Variants in ZNF138 observed in about 807,000 individuals in gnomAD.
The protein encoded by ZNF138 is zinc finger protein 138 (clone pHZ-32).
ZNF138 carries 33 observed loss-of-function variants against 33.0 expected under a neutral mutation model. The ratio of observed to expected loss-of-function variants is 1.00; its 90% CI spans 0.76 to 1.34. The LOEUF (loss-of-function observed/expected upper bound fraction) is 1.34, where lower values mean the gene tolerates loss of function less well. Among genes scored for constraint, ZNF138 ranks in the 40% most tolerant of loss-of-function variants. The pLI is 0.00. For synonymous variants in ZNF138, 139 were observed against 120.4 expected (o/e 1.15, Z -1.01); for missense variants, 360 against 370.8 (o/e 0.97, Z 0.24).
chr7:64,811,742 A>C (rs1458001301), intron 1 of ZNF138, among the ~76,000 whole-genome samples: 2 of 152,230 alleles, frequency 1.3e-5, no homozygotes, highest in East Asian at 3.8e-4. Context: ...TTGTATTTTG[A>C]CAAGAGTGCT....
intron 1 of ZNF138, among the ~76,000 whole-genome samples, chr7:64,801,701 T>TTCCTAATA (rs79598810): frequency 0.061 from 9,321 of 152,208 alleles, 316 homozygotes; most frequent in East Asian, 0.14. Flanking sequence ...TTGAGTTTAG[T>TTCCTAATA]TCTTTTTTAA....
intron 3 of ZNF138, among the ~76,000 whole-genome samples, chr7:64,824,810 TAAAG>T (rs1349540051): frequency 3.3e-5 from 5 of 152,116 alleles, no homozygotes; most frequent in Admixed American, 2.6e-4. Context: ...TTGCATAGAA[TAAAG>T]ATATTTTCCA....
the ZNF138 span, among the ~76,000 whole-genome samples, chr7:64,860,316 T>TAA: frequency 6.6e-6 from 1 of 152,208 alleles, no homozygotes; most frequent in East Asian, 1.9e-4. Flanking sequence ...AATTTTGAAA[T>TAA]ATACACTGCA....
chr7:64,815,608 C>A lies in ZNF138; in HGVS notation c.163C>A (p.Pro55Thr). The A allele has an allele frequency of 6.2e-7, 1 of 1,612,360 alleles. No individual in the cohort carries two copies. Among genetic ancestry groups the A allele is most frequent in the Non-Finnish European group, 8.5e-7 (1 of 1,179,224 alleles). ...TACCTGTCTGGAACAAGGAAAAGAG[C>A]CCTGGAATATGAAGAGACATGAGAT... Reference protein sequence around the residue: ...LITCLEQGKEPWNMKRHEMVV... With the variant: ...LITCLEQGKETWNMKRHEMVV... Residue 55 changes from proline to threonine, a missense_variant, in exon 3 of 4, where the codon CCC (proline) becomes ACC (threonine). By Grantham distance (38) the Pro-to-Thr change is conservative. Coordinates refer to ENST00000307355, the MANE Select transcript of ZNF138 (RefSeq NM_001271639.2).
At chr7:64,824,815 A>G (rs2129010962) in intron 3 of ZNF138, among the ~76,000 whole-genome samples, 1 of 152,026 alleles carries the variant, frequency 6.6e-6, no homozygotes, top group East Asian at 1.9e-4. Flanking sequence ...TAGAATAAAG[A>G]TATTTTCCAT....
intron 1 of ZNF138, among the ~76,000 whole-genome samples, chr7:64,797,878 T>C (rs6964501): frequency 0.11 from 17,296 of 152,160 alleles, 1,168 homozygotes; most frequent in East Asian, 0.26. Context: ...GCAAAAAAGA[T>C]TAGAAGGTGA....
At chr7:64,819,511 G>T (rs754418516) in intron 3 of ZNF138, among the ~76,000 whole-genome samples, 6 of 151,852 alleles carry the variant, frequency 4.0e-5, no homozygotes, top group Non-Finnish European at 8.8e-5. Context: ...AGGATTACAG[G>T]TGGCCGCCAC....
At position 64,832,578 on chromosome 7, in the gene ZNF138, C is replaced by A; in HGVS notation, c.*376C>A. ...TAAGATAATTCACAGTGGAGAAAAA[C>A]CCTACAAATGTGAAGAATGTGGCAA... On this transcript the variant is annotated 3_prime_UTR_variant, in exon 4 of 4. Transcript: ENST00000307355. 1 of 560,100 alleles carries A rather than the reference C, an allele frequency of 1.8e-6. No homozygotes were observed. Among genetic ancestry groups the A allele is most frequent in the Non-Finnish European group, 3.2e-6 (1 of 314,406 alleles). The allele number at this position is 560,100 out of a possible 1,614,324, so 34.7% of individuals were successfully genotyped here. A position where few individuals can be genotyped will look rare whatever the true frequency, so the allele number is the denominator to read the frequency against.
rs575134250 is a variant in ZNF138 at position 64,832,813 on chromosome 7, T to C, written c.*611T>C. The C allele has an allele frequency of 2.2e-6, 1 of 448,384 alleles. No individual in the cohort carries two copies. Among genetic ancestry groups the C allele is most frequent in the Non-Finnish European group, 4.5e-6 (1 of 223,138 alleles). 27.8% of individuals were successfully genotyped at this position (448,384 alleles called of 1,614,324 possible). On this transcript the variant is annotated 3_prime_UTR_variant, in exon 4 of 4. Transcript: ENST00000307355. Reference sequence around the variant, plus strand: ...TCAAACCTTACTAAACACAAGAAGATTCATACTAGAGAGAAACCCTACAAA... The same window carrying C: ...TCAAACCTTACTAAACACAAGAAGACTCATACTAGAGAGAAACCCTACAAA...
At chr7:64,802,496 G>A (rs933624434) in intron 1 of ZNF138, among the ~76,000 whole-genome samples, 1 of 151,376 alleles carries the variant, frequency 6.6e-6, no homozygotes, top group East Asian at 1.9e-4. Context: ...GGCATGGCAA[G>A]AAAATATATT....
chr7:64,808,883 G>A (rs1562895453), intron 1 of ZNF138, among the ~76,000 whole-genome samples: 1 of 138,448 alleles, frequency 7.2e-6, no homozygotes, highest in Non-Finnish European at 1.6e-5. Flanking sequence ...ACATGTTTCA[G>A]AGAGCACAGG....
At chr7:64,846,047 GCT>G in the ZNF138 span, among the ~76,000 whole-genome samples, 4 of 152,090 alleles carry the variant, frequency 2.6e-5, no homozygotes, top group African/African-American at 4.8e-5. Flanking sequence ...GTTTTTGTTT[GCT>G]TTGTCAAAGA....
At chr7:64,825,050 A>C (rs1340695011) in intron 3 of ZNF138, among the ~76,000 whole-genome samples, 1 of 148,216 alleles carries the variant, frequency 6.7e-6, no homozygotes, top group Non-Finnish European at 1.5e-5. Context: ...GGGTTTTACC[A>C]CTTTGGCCAG....
chr7:64,804,101 C>T (rs1179490628), intron 1 of ZNF138, among the ~76,000 whole-genome samples: 1 of 152,216 alleles, frequency 6.6e-6, no homozygotes, highest in Non-Finnish European at 1.5e-5. Context: ...ACCCCTCATA[C>T]TGTCTCATGC....
chr7:64,825,830 C>T lies in ZNF138; in HGVS notation c.209-5621C>T, dbSNP rs540109325. Among the ~76,000 whole-genome samples, 368 of 151,978 alleles carry T rather than the reference C, an allele frequency of 2.4e-3. 5 individuals carry two copies. The highest frequency in any genetic ancestry group is 8.6e-3 in the African/African-American group (355 of 41,430). On this transcript the variant is annotated intron_variant, in intron 3 of 3. Transcript: ENST00000307355. ...GGGATTACAGGCATGAGCCCCCGCG[C>T]CTGGCCATTATTCATTTAGTTTTAA...
intron 1 of ZNF138, among the ~76,000 whole-genome samples, chr7:64,810,868 G>A (rs1608895): frequency 0.99 from 150,082 of 152,244 alleles, 74,011 homozygotes; most frequent in East Asian, 1. Context: ...CAGTGCTCAC[G>A]GTATTCTGAA....
intron 3 of ZNF138, among the ~76,000 whole-genome samples, chr7:64,821,226 A>T (rs1199924453): frequency 1.3e-5 from 2 of 150,754 alleles, no homozygotes; most frequent in African/African-American, 5.0e-5. Context: ...AGTAGCTGGG[A>T]CTACAGGCGC....
chr7:64,810,317 CGAGCCTGCAATCGCAG>C (rs1788047297), intron 1 of ZNF138, among the ~76,000 whole-genome samples: 1 of 146,362 alleles, frequency 6.8e-6, no homozygotes, highest in Non-Finnish European at 1.5e-5. Context: ...CGTGGTGGCG[CGAGCCTGCAATCGCAG>C]GCACTCGGCA....
At chr7:64,801,591 A>G (rs538420689) in intron 1 of ZNF138, among the ~76,000 whole-genome samples, 20 of 152,264 alleles carry the variant, frequency 1.3e-4, no homozygotes, top group African/African-American at 2.4e-4. Flanking sequence ...TGCGTGGTCA[A>G]TTTTAGAGTA....
Sources: gnomAD v4.1 joint callset for allele counts (sites outside exome capture counted in the v4.1 genomes callset) on GRCh38, gnomAD v4.1.1 for gene constraint, MANE v1.5 for transcripts, NCBI Gene and HGNC (gene_info 2026-07-23, HGNC 2026-07-21) for gene names.